GPR89A: variants seen among roughly 807,000 people sequenced by gnomAD.
GPR89A encodes golgi pH regulator A, also known as G protein-coupled receptor 89A.
In GPR89A, 16 loss-of-function variants were observed where a neutral mutation model predicts 52.0. That is an observed-to-expected ratio of 0.31 (90% CI 0.21 to 0.47). The LOEUF (loss-of-function observed/expected upper bound fraction) is 0.47. GPR89A is among the 20% of genes least tolerant of loss of function. GPR89A has a pLI of 1.00. For missense variants in GPR89A, 135 were observed against 449.4 expected, an observed-to-expected ratio of 0.30 and a Z score of 6.33; for synonymous variants, 55 against 150.9, an observed-to-expected ratio of 0.36 and a Z score of 4.66.
Position 145,670,225 on chromosome 1 carries a change from A to G in GPR89A, c.*185A>G. 1.3e-6 allele frequency: 2 copies of G among 1,485,130 alleles called. No homozygotes were observed. Among genetic ancestry groups the G allele is most frequent in the East Asian group, 2.4e-5 (1 of 41,956 alleles). 92.0% of individuals were successfully genotyped at this position (1,485,130 alleles called of 1,614,324 possible). A position where few individuals can be genotyped will look rare whatever the true frequency, so the allele number is the denominator to read the frequency against. ...ATGACCATGAGTAGCATCAGCCAGAACATGAGAGGGAGAACTAACTCAAGA... is the reference window on the plus strand; with the variant it reads ...ATGACCATGAGTAGCATCAGCCAGAGCATGAGAGGGAGAACTAACTCAAGA... On this transcript the variant is annotated 3_prime_UTR_variant, in exon 14 of 14. Coordinates refer to ENST00000313835, the MANE Select transcript of GPR89A (RefSeq NM_001097612.2).
At chr1:145,635,428 T>TAAA (rs1553690573) in intron 7 of GPR89A, among the ~76,000 whole-genome samples, 5,711 of 150,182 alleles carry the variant, frequency 0.038, 296 homozygotes, top group African/African-American at 0.13. Context: ...AAAAGAATGA[T>TAAA]GAAGGCTCAG....
chr1:145,636,489 T>G (rs1650249856), intron 7 of GPR89A, among the ~76,000 whole-genome samples: 2 of 150,818 alleles, frequency 1.3e-5, no homozygotes, highest in Non-Finnish European at 2.9e-5. Flanking sequence ...AGTTAATGGT[T>G]TAAAATGGGA....
chr1:145,648,425 T>A (rs1268052261), intron 10 of GPR89A, among the ~76,000 whole-genome samples: 1 of 151,772 alleles, frequency 6.6e-6, no homozygotes, highest in Non-Finnish European at 1.5e-5. Context: ...GAAGATAGTA[T>A]GTTCAGTTAG....
intron 10 of GPR89A, among the ~76,000 whole-genome samples, chr1:145,651,943 CA>C (rs1651474752): frequency 6.9e-6 from 1 of 144,092 alleles, no homozygotes; most frequent in Non-Finnish European, 1.5e-5. Context: ...CATATGCAAA[CA>C]AAGACAATTT....
intron 7 of GPR89A, among the ~76,000 whole-genome samples, chr1:145,636,462 T>C (rs1650247781): frequency 1.3e-5 from 2 of 150,224 alleles, no homozygotes; most frequent in Admixed American, 1.3e-4. Flanking sequence ...AAAAGTAACA[T>C]TTGTTATGTA....
chr1:145,650,349 T>G (rs1438255613), intron 10 of GPR89A, among the ~76,000 whole-genome samples: 2 of 151,590 alleles, frequency 1.3e-5, no homozygotes, highest in African/African-American at 4.9e-5. Context: ...TATTCCATGG[T>G]GTATATGTAC....
chr1:145,643,323 G>A (rs1385699803), intron 7 of GPR89A, among the ~76,000 whole-genome samples: 4 of 150,392 alleles, frequency 2.7e-5, no homozygotes, highest in East Asian at 2.0e-4. Context: ...GGGTCACCAC[G>A]CCCAGCTAAT....
At position 145,608,299 on chromosome 1, in the gene GPR89A, C is replaced by A. The variant is rs782070125; in HGVS notation, c.42+124C>A. The A allele has an allele frequency of 3.7e-6, 5 of 1,350,970 alleles. No homozygotes were observed. The African/African-American group carries it at 5.9e-5, about 16-fold the overall frequency. 83.7% of individuals were successfully genotyped at this position (1,350,970 alleles called of 1,614,324 possible). A position where few individuals can be genotyped will look rare whatever the true frequency, so the allele number is the denominator to read the frequency against. ...TCTCTTACGCGTCCTGCGCTAGTCA[C>A]TCTGGCACCCAGAGAGGGTGTGCGA... On this transcript the variant is annotated intron_variant, in intron 1 of 13. Coordinates refer to ENST00000313835, the MANE Select transcript of GPR89A (RefSeq NM_001097612.2).
intron 1 of GPR89A, among the ~76,000 whole-genome samples, chr1:145,611,943 G>A (rs1464875110): frequency 2.6e-5 from 4 of 151,556 alleles, no homozygotes; most frequent in Admixed American, 6.6e-5. Context: ...CCTCTTGTTC[G>A]TTTACCTTCA....
In GPR89A at chr1:145,623,156, A is replaced by C; in HGVS notation, c.309A>C (p.Arg103=). 1.9e-6 allele frequency: 3 copies of C among 1,613,208 alleles called. No homozygotes were observed. Among genetic ancestry groups the C allele is most frequent in the Non-Finnish European group, 2.5e-6 (3 of 1,179,414 alleles). The change falls in exon 4 of 14, where the codon CGA becomes CGC. Residue 103 remains arginine (R), a synonymous_variant. Transcript: ENST00000313835. The part of the protein sequence containing the change: ...YIGYFIVSNI[R]LLHKQRLLFS... ...GCTATTTTATTGTGAGCAATATCCG[A>C]CTACGTAAGTATTTTACCCTCTCAG...
chr1:145,619,114 G>A (rs1553687571), intron 3 of GPR89A, among the ~76,000 whole-genome samples: 1 of 152,090 alleles, frequency 6.6e-6, no homozygotes, highest in Non-Finnish European at 1.5e-5. Context: ...AAACCTTTTA[G>A]GAGTAAAGCA....
intron 10 of GPR89A, among the ~76,000 whole-genome samples, chr1:145,656,594 T>G (rs1159073736): frequency 1.3e-5 from 2 of 152,194 alleles, no homozygotes; most frequent in East Asian, 3.8e-4. Context: ...CTACTTCTAG[T>G]TGGTCACCTT....
At chr1:145,668,413 A>G (rs1327811333) in intron 12 of GPR89A, among the ~76,000 whole-genome samples, 50 of 152,264 alleles carry the variant, frequency 3.3e-4, no homozygotes, top group South Asian at 6.2e-4. Context: ...ATTTTTGCAC[A>G]TTGATTTTGT....
At chr1:145,652,465 G>T (rs1391224085) in intron 10 of GPR89A, among the ~76,000 whole-genome samples, 11 of 131,354 alleles carry the variant, frequency 8.4e-5, no homozygotes, top group African/African-American at 3.2e-4. Flanking sequence ...TTCTTTTTTT[G>T]TTGTTGTATC....
At chr1:145,638,523 TA>T (rs1474117841) in intron 7 of GPR89A, among the ~76,000 whole-genome samples, 4 of 145,954 alleles carry the variant, frequency 2.7e-5, no homozygotes, top group Non-Finnish European at 4.4e-5. Context: ...AAATAGTAAA[TA>T]TTTTTTTAAA....
chr1:145,653,791 C>CT (rs1335608177), intron 10 of GPR89A, among the ~76,000 whole-genome samples: 1 of 136,630 alleles, frequency 7.3e-6, no homozygotes, highest in African/African-American at 2.8e-5. Flanking sequence ...GCAACCCCTG[C>CT]TTTTTTTTGC....
chr1:145,632,839 G>A (rs1553690116), intron 7 of GPR89A, among the ~76,000 whole-genome samples: 1 of 152,026 alleles, frequency 6.6e-6, no homozygotes, highest in Non-Finnish European at 1.5e-5. Flanking sequence ...TTTCCATAGG[G>A]TTGTGCTAAT....
intron 1 of GPR89A, among the ~76,000 whole-genome samples, chr1:145,615,496 A>C (rs1648613311): frequency 6.6e-6 from 1 of 151,020 alleles, no homozygotes; most frequent in Non-Finnish European, 1.5e-5. Context: ...GGCACACCCC[A>C]CCACCCCCAG....
chr1:145,616,039 A>G (rs1241989575), intron 1 of GPR89A, among the ~76,000 whole-genome samples, 195 bp from the exon 2 acceptor site: 2 of 151,242 alleles, frequency 1.3e-5, no homozygotes, highest in Non-Finnish European at 2.9e-5. Context: ...GATAACTTCA[A>G]AACTCCAAGG....
Sources: allele counts gnomAD v4.1 joint callset (sites outside exome capture counted in the v4.1 genomes callset), GRCh38; gene constraint gnomAD v4.1.1; transcripts MANE v1.5; gene names NCBI Gene and HGNC (gene_info 2026-07-23, HGNC 2026-07-21).